The following GALNTL6 variants were observed in gnomAD, a reference collection of about 807,000 sequenced individuals.
The protein encoded by GALNTL6 is polypeptide N-acetylgalactosaminyltransferase-like 6.
In GALNTL6, 46 loss-of-function variants were observed where a neutral mutation model predicts 73.7. The ratio of observed to expected loss-of-function variants is 0.62; its 90% CI spans 0.49 to 0.80. GALNTL6 has a LOEUF of 0.80. Among genes scored for constraint, GALNTL6 ranks in the 30% least tolerant of loss-of-function variants. The pLI is 0.00. For missense variants in GALNTL6, 604 were observed against 755.0 expected (o/e 0.80, Z 2.34); for synonymous variants, 259 against 263.7 (o/e 0.98, Z 0.17).
chr4:172,548,927 G>T lies in GALNTL6; in HGVS notation c.553+200238G>T, dbSNP rs557187105. On this transcript the variant is annotated intron_variant, in intron 5 of 12. Transcript: ENST00000506823. ...TTTTATGTTATAAAATCTTAATGTT[G>T]TTTCTCTATTATTTCAATCACTATT... 1.2e-3 allele frequency among the ~76,000 whole-genome samples: 181 copies of T among 152,000 alleles called. 1 individual carries two copies. Among genetic ancestry groups the T allele is most frequent in the African/African-American group, 4.2e-3 (174 of 41,476 alleles).
intron 10 of GALNTL6, among the ~76,000 whole-genome samples, chr4:172,998,494 T>A (rs1751895364): frequency 6.6e-6 from 1 of 152,218 alleles, no homozygotes; most frequent in African/African-American, 2.4e-5. Context: ...ATCATTCCCA[T>A]CACTATCAAG....
At chr4:172,320,798 A>C (rs755087996) in intron 4 of GALNTL6, among the ~76,000 whole-genome samples, 18 of 152,150 alleles carry the variant, frequency 1.2e-4, no homozygotes, top group Non-Finnish European at 1.2e-4. Context: ...AGAGGAAGAA[A>C]CCCCTACGAA....
At chr4:172,743,597 A>C (rs1444926519) in intron 5 of GALNTL6, among the ~76,000 whole-genome samples, 1 of 152,156 alleles carries the variant, frequency 6.6e-6, no homozygotes, top group East Asian at 1.9e-4. Flanking sequence ...AAGCAATTTC[A>C]AGGTCCTGGC....
intron 5 of GALNTL6, among the ~76,000 whole-genome samples, chr4:172,361,064 G>A (rs1414105846): frequency 2.6e-5 from 4 of 152,066 alleles, no homozygotes; most frequent in Non-Finnish European, 4.4e-5. Context: ...ATTAAGAATT[G>A]TGTGAAAAAG....
chr4:172,520,609 TTTC>T (rs2110815960), intron 5 of GALNTL6, among the ~76,000 whole-genome samples: 1 of 151,936 alleles, frequency 6.6e-6, no homozygotes, highest in Non-Finnish European at 1.5e-5. Context: ...ATTGAAAACA[TTTC>T]TTATTTTCCT....
intron 5 of GALNTL6, among the ~76,000 whole-genome samples, chr4:172,555,073 C>A (rs1419379586): frequency 6.6e-6 from 1 of 152,130 alleles, no homozygotes; most frequent in South Asian, 2.1e-4. Flanking sequence ...GTTATCTTTG[C>A]AGGTGTACAA....
chr4:173,016,092 A>T (rs1329650832), intron 11 of GALNTL6, among the ~76,000 whole-genome samples: 1 of 152,230 alleles, frequency 6.6e-6, no homozygotes, highest in Non-Finnish European at 1.5e-5. Flanking sequence ...GGTGCACAGA[A>T]GTCAATAATT....
rs1737291902 is a variant in GALNTL6 at position 172,237,858 on chromosome 4, G to A, written c.247+8094G>A. ...ATTAAATAGGGAGTCCTTTCCCCAT[G>A]CTTGTTTTTGTCAGCTTTGTCAAAG... On this transcript the variant is annotated intron_variant, in intron 3 of 12. Coordinates refer to ENST00000506823, the MANE Select transcript of GALNTL6 (RefSeq NM_001034845.3). Among the ~76,000 whole-genome samples, 3 of 152,030 alleles carry A rather than the reference G, an allele frequency of 2.0e-5. 1 individual carries two copies. The South Asian group carries it at 6.2e-4, about 32-fold the overall frequency.
intron 5 of GALNTL6, among the ~76,000 whole-genome samples, chr4:172,548,321 G>A (rs760454899): frequency 6.6e-6 from 1 of 152,140 alleles, no homozygotes; most frequent in Non-Finnish European, 1.5e-5. Context: ...GGTGATATGT[G>A]GCTGTTGAAG....
Position 172,326,431 on chromosome 4 carries a change from C to T in GALNTL6, c.386+14679C>T, listed in dbSNP as rs192575973. Among the ~76,000 whole-genome samples the T allele has an allele frequency of 8.1e-4, 123 of 152,088 alleles. 2 individuals carry two copies. The South Asian group carries it at 0.016, about 19-fold the overall frequency. On this transcript the variant is annotated intron_variant, in intron 4 of 12. Transcript: ENST00000506823. ...TGGATTGTTATGTCCTCTTGAGGAACTGGCCTCTTTAACATGAGATAAACT... is the reference window on the plus strand; with the variant it reads ...TGGATTGTTATGTCCTCTTGAGGAATTGGCCTCTTTAACATGAGATAAACT...
intron 3 of GALNTL6, among the ~76,000 whole-genome samples, chr4:172,308,552 T>A (rs1022854706): frequency 3.9e-5 from 6 of 152,126 alleles, no homozygotes; most frequent in African/African-American, 4.8e-5. Context: ...GGATGCTGGA[T>A]TTTGTCAGAT....
rs74432401 is a variant in GALNTL6, at chr4:172,004,993, A to G, written c.138+190275A>G. Among the ~76,000 whole-genome samples, 1,167 of 152,176 alleles carry G rather than the reference A, an allele frequency of 7.7e-3. 9 individuals are homozygous for G. The highest frequency in any genetic ancestry group is 0.025 in the African/African-American group (1,042 of 41,552). On this transcript the variant is annotated intron_variant, in intron 2 of 12. Coordinates refer to ENST00000506823, the MANE Select transcript of GALNTL6 (RefSeq NM_001034845.3). ...TATAATTCTTGCTTAAGTTCTTTGA[A>G]TAAGTTTTTCATAAAATACTGTGCC... is the stretch of plus-strand genomic sequence containing the variant.
intron 5 of GALNTL6, among the ~76,000 whole-genome samples, chr4:172,515,263 G>A (rs556108485): frequency 2.0e-4 from 31 of 152,332 alleles, no homozygotes; most frequent in South Asian, 6.2e-4. Context: ...TTCATGTAGG[G>A]ATTTAAACAG....
At chr4:172,940,418 A>C (rs1043006460) in intron 9 of GALNTL6, among the ~76,000 whole-genome samples, 1 of 151,976 alleles carries the variant, frequency 6.6e-6, no homozygotes, top group Non-Finnish European at 1.5e-5. Flanking sequence ...GCTGGAGTGA[A>C]GTGGCGTGAT....
At chr4:172,901,991 A>AGCTGC (rs1308013704) in intron 8 of GALNTL6, among the ~76,000 whole-genome samples, 2 of 152,298 alleles carry the variant, frequency 1.3e-5, no homozygotes, top group East Asian at 3.9e-4. Context: ...TAGATTAGCC[A>AGCTGC]GCTGCAGGGG....
chr4:172,029,786 A>T (rs1741709406), intron 2 of GALNTL6, among the ~76,000 whole-genome samples: 1 of 152,104 alleles, frequency 6.6e-6, no homozygotes, highest in Non-Finnish European at 1.5e-5. Context: ...TTTACTGACT[A>T]GTTCTATGAA....
At chr4:172,609,075 A>G (rs1291413279) in intron 5 of GALNTL6, among the ~76,000 whole-genome samples, 1 of 152,172 alleles carries the variant, frequency 6.6e-6, no homozygotes, top group Non-Finnish European at 1.5e-5. Flanking sequence ...AAATTAAATC[A>G]TCTGCAAACA....
intron 2 of GALNTL6, among the ~76,000 whole-genome samples, chr4:172,138,058 C>A (rs1733683769): frequency 6.6e-6 from 1 of 152,018 alleles, no homozygotes; most frequent in East Asian, 1.9e-4. Context: ...ACATATTTTG[C>A]AATATAATAT....
intron 7 of GALNTL6, among the ~76,000 whole-genome samples, chr4:172,871,591 G>A (rs1489070961): frequency 2.6e-5 from 3 of 114,472 alleles, no homozygotes; most frequent in African/African-American, 5.7e-5. Context: ...CTGACTCTGG[G>A]GGGGGTGTGT....
Sources: allele counts gnomAD v4.1 joint callset (sites outside exome capture counted in the v4.1 genomes callset), GRCh38; gene constraint gnomAD v4.1.1; transcripts MANE v1.5; gene names NCBI Gene and HGNC (gene_info 2026-07-23, HGNC 2026-07-21).